ZPBP: variants seen among roughly 807,000 people sequenced by gnomAD.
ZPBP encodes zona pellucida binding protein.
In ZPBP, 26 loss-of-function variants were observed where a neutral mutation model predicts 44.8. The observed-to-expected ratio is 0.58, with a 90% CI of 0.43 to 0.81. ZPBP has a LOEUF of 0.81. Among genes scored for constraint, ZPBP ranks in the 30% least tolerant of loss-of-function variants. The pLI is 0.00. For synonymous variants in ZPBP, 174 were observed against 153.2 expected (o/e 1.14, Z -1.00); for missense variants, 409 against 434.0 (o/e 0.94, Z 0.51).
intron 1 of ZPBP, among the ~76,000 whole-genome samples, chr7:49,924,136 AAATAAT>A (rs59183596): frequency 6.7e-6 from 1 of 149,424 alleles, no homozygotes; most frequent in Non-Finnish European, 1.5e-5. Context: ...TAATAATAAT[AAATAAT>A]AATAATAATA....
intron 1 of ZPBP, among the ~76,000 whole-genome samples, chr7:50,091,594 C>A (rs1562623652): frequency 6.6e-6 from 1 of 152,156 alleles, no homozygotes; most frequent in Non-Finnish European, 1.5e-5. Context: ...GTTCTTGATA[C>A]ACACATACCA....
At chr7:49,850,818 C>T (rs967937950) in intron 2 of ZPBP, among the ~76,000 whole-genome samples, 1 of 152,186 alleles carries the variant, frequency 6.6e-6, no homozygotes, top group African/African-American at 2.4e-5. Context: ...ACTCAGCAAG[C>T]ATGTACTGCC....
intron 4 of ZPBP, among the ~76,000 whole-genome samples, chr7:50,048,859 A>G (rs1007819122): frequency 1.3e-5 from 2 of 152,022 alleles, no homozygotes; most frequent in Non-Finnish European, 2.9e-5. Context: ...AAGTGATATA[A>G]TAAATAAAAA....
chr7:49,847,168 C>A (rs1789974643), downstream of ZPBP, among the ~76,000 whole-genome samples: 1 of 151,142 alleles, frequency 6.6e-6, no homozygotes, highest in South Asian at 2.1e-4. Context: ...ATATAAGAAT[C>A]CCCTGTGGGA....
At position 49,875,242 on chromosome 7, in the gene ZPBP, C is replaced by T. The variant is rs186850665; in HGVS notation, n.510-24728G>A. ...AAAATTAGCTGGGCATGGTGGCATG[C>T]GCCTTTAGTCCCAGCTACTCAGGAG... On this transcript the variant is annotated intron_variant and non_coding_transcript_variant, in intron 2 of 2. Transcript: ENST00000465922. 5.3e-5 allele frequency among the ~76,000 whole-genome samples: 8 copies of T among 151,126 alleles called. No homozygotes were observed. In the East Asian group the frequency reaches 7.8e-4, roughly 15 times the overall value.
intron 4 of ZPBP, among the ~76,000 whole-genome samples, chr7:50,046,242 G>T (rs918487756): frequency 6.6e-5 from 10 of 152,160 alleles, no homozygotes; most frequent in African/African-American, 2.4e-4. Context: ...CATGGCCAAA[G>T]ACTTCGTGAC....
chr7:50,030,260 T>C (rs1320094801), intron 5 of ZPBP, among the ~76,000 whole-genome samples: 4 of 149,688 alleles, frequency 2.7e-5, no homozygotes, highest in African/African-American at 9.9e-5. Flanking sequence ...GGAAGGGGAA[T>C]AGCAAGGGGA....
chr7:49,973,036 G>C (rs2128771289), intron 7 of ZPBP, among the ~76,000 whole-genome samples: 1 of 152,120 alleles, frequency 6.6e-6, no homozygotes, highest in African/African-American at 2.4e-5. Context: ...GCAAATGAAT[G>C]AAGTTGGACC....
At chr7:50,065,368 G>A (rs1452762615) in intron 3 of ZPBP, among the ~76,000 whole-genome samples, 1 of 150,822 alleles carries the variant, frequency 6.6e-6, no homozygotes, top group Non-Finnish European at 1.5e-5. Flanking sequence ...TTAGAGTAGA[G>A]AATCAAGAGA....
chr7:50,039,276 A>G (rs1009406987), intron 4 of ZPBP, among the ~76,000 whole-genome samples: 2 of 152,208 alleles, frequency 1.3e-5, no homozygotes, highest in Non-Finnish European at 2.9e-5. Context: ...GCTGAAAAGT[A>G]AAAATACTAA....
intron 1 of ZPBP, chr7:49,918,883 A>T (rs1359112516): frequency 6.6e-6 from 1 of 152,110 alleles, no homozygotes; most frequent in Non-Finnish European, 1.5e-5. Flanking sequence ...AACATGTGAA[A>T]CCCCATCTCT....
chr7:49,963,165 G>A (rs1026729466), intron 7 of ZPBP, among the ~76,000 whole-genome samples: 1 of 150,754 alleles, frequency 6.6e-6, no homozygotes, highest in Non-Finnish European at 1.5e-5. Flanking sequence ...TATTAGGATG[G>A]TTTTTTTTAA....
chr7:49,902,261 G>A (rs1792794269), intron 1 of ZPBP, among the ~76,000 whole-genome samples: 1 of 151,792 alleles, frequency 6.6e-6, no homozygotes, highest in African/African-American at 2.4e-5. Context: ...CCACAGACTG[G>A]AAGAAAACAT....
intron 3 of ZPBP, among the ~76,000 whole-genome samples, chr7:50,070,492 T>G (rs1801783782): frequency 6.6e-6 from 1 of 152,156 alleles, no homozygotes; most frequent in Non-Finnish European, 1.5e-5. Flanking sequence ...TGGTGCGCCT[T>G]GGATGCTGGG....
intron 4 of ZPBP, among the ~76,000 whole-genome samples, chr7:50,057,186 C>CAA (rs200305836): frequency 3.0e-4 from 28 of 93,992 alleles, no homozygotes; most frequent in African/African-American, 9.6e-4. Context: ...GACTCCATCT[C>CAA]AAAAAAAAAA....
At chr7:50,089,123 A>G (rs1802815586) in intron 2 of ZPBP, among the ~76,000 whole-genome samples, 1 of 152,072 alleles carries the variant, frequency 6.6e-6, no homozygotes, top group Non-Finnish European at 1.5e-5. Context: ...TTTTGGGGTG[A>G]TGAAAATGTT....
At chr7:49,960,286 T>G (rs1795807443) in intron 7 of ZPBP, among the ~76,000 whole-genome samples, 1 of 151,994 alleles carries the variant, frequency 6.6e-6, no homozygotes, top group South Asian at 2.1e-4. Context: ...CTGGGCGTGG[T>G]TGTGCATGCC....
intron 3 of ZPBP, among the ~76,000 whole-genome samples, chr7:50,075,746 T>G (rs1209793637): frequency 1.3e-5 from 2 of 151,942 alleles, no homozygotes; most frequent in Non-Finnish European, 2.9e-5. Flanking sequence ...AGTAACAAGA[T>G]AGAAGCCTTA....
chr7:49,937,332 A>G, downstream of ZPBP: 1 of 536,102 alleles, frequency 1.9e-6, no homozygotes, highest in East Asian at 3.2e-5. Flanking sequence ...TTAGAATCAT[A>G]TGTAGGTTTG....
Sources: allele counts gnomAD v4.1 joint callset (sites outside exome capture counted in the v4.1 genomes callset), GRCh38; gene constraint gnomAD v4.1.1; transcripts MANE v1.5; gene names NCBI Gene and HGNC (gene_info 2026-07-23, HGNC 2026-07-21).